Variants in RALGAPA1 observed in about 807,000 individuals in gnomAD.
RALGAPA1 encodes ral GTPase-activating protein subunit alpha-1.
Under a neutral mutation model 269.6 loss-of-function variants are expected in RALGAPA1, and 52 were observed. The observed-to-expected ratio is 0.19, with a 90% CI of 0.15 to 0.24. The LOEUF (loss-of-function observed/expected upper bound fraction) is 0.24, where lower values mean the gene tolerates loss of function less well. Among genes scored for constraint, RALGAPA1 ranks in the 10% least tolerant of loss-of-function variants. RALGAPA1 has a pLI of 1.00. For synonymous variants in RALGAPA1, 817 were observed against 1,008.3 expected (o/e 0.81, Z 3.60); for missense variants, 1,917 against 3,013.9 (o/e 0.64, Z 8.52).
At chr14:35,785,563 G>A (rs2075736487) in intron 1 of RALGAPA1, among the ~76,000 whole-genome samples, 1 of 152,226 alleles carries the variant, frequency 6.6e-6, no homozygotes, top group Non-Finnish European at 1.5e-5. Context: ...TAAATGCACA[G>A]TATAGCTCGT....
intron 17 of RALGAPA1, among the ~76,000 whole-genome samples, chr14:35,698,029 A>G (rs1449587565): frequency 1.3e-5 from 2 of 152,178 alleles, no homozygotes; most frequent in African/African-American, 4.8e-5. Flanking sequence ...TTTCCATATA[A>G]TCCATGTTTT....
intron 41 of RALGAPA1, among the ~76,000 whole-genome samples, chr14:35,547,520 T>C (rs1241449860): frequency 1.3e-5 from 2 of 152,166 alleles, no homozygotes; most frequent in Non-Finnish European, 2.9e-5. Flanking sequence ...GTGAAATTTA[T>C]GGCTTGACTA....
chr14:35,623,429 C>G (rs1383319437), intron 35 of RALGAPA1, among the ~76,000 whole-genome samples: 2 of 151,368 alleles, frequency 1.3e-5, no homozygotes, highest in Non-Finnish European at 2.9e-5. Context: ...AAAAAGAACA[C>G]CAACAGAGAA....
chr14:35,726,786 A>G (rs1453880522), intron 13 of RALGAPA1, among the ~76,000 whole-genome samples: 1 of 152,222 alleles, frequency 6.6e-6, no homozygotes, highest in Admixed American at 6.5e-5. Flanking sequence ...AAAGAAAAAA[A>G]AGGACTAACA....
At chr14:35,620,589 A>T (rs556145688) in intron 35 of RALGAPA1, among the ~76,000 whole-genome samples, 1 of 152,330 alleles carries the variant, frequency 6.6e-6, no homozygotes, top group South Asian at 2.1e-4. Flanking sequence ...TTTGCAGATG[A>T]CATGATCGTA....
At chr14:35,715,197 A>G (rs904137489) in intron 16 of RALGAPA1, among the ~76,000 whole-genome samples, 2 of 152,144 alleles carry the variant, frequency 1.3e-5, no homozygotes, top group African/African-American at 2.4e-5. Flanking sequence ...TAGACACATC[A>G]GACCCTCTCA....
At chr14:35,639,807 C>T (rs1215791147) in intron 31 of RALGAPA1, among the ~76,000 whole-genome samples, 1 of 151,776 alleles carries the variant, frequency 6.6e-6, no homozygotes, top group African/African-American at 2.4e-5. Context: ...GGCGTGGTGG[C>T]GGGCACCTGT....
chr14:35,561,458 G>A (rs1261757925), intron 39 of RALGAPA1, among the ~76,000 whole-genome samples: 1 of 146,674 alleles, frequency 6.8e-6, no homozygotes, highest in Non-Finnish European at 1.5e-5. Flanking sequence ...GGATGTGTAA[G>A]CACAGCAAAA....
At chr14:35,624,460 G>A (rs141992021) in intron 35 of RALGAPA1, among the ~76,000 whole-genome samples, 222 of 152,174 alleles carry the variant, frequency 1.5e-3, no homozygotes, top group Non-Finnish European at 2.2e-3. Context: ...TTTGTTTTAT[G>A]CTTTGTTTTG....
chr14:35,777,936 G>C (rs1301665541), intron 1 of RALGAPA1, among the ~76,000 whole-genome samples: 2 of 152,052 alleles, frequency 1.3e-5, no homozygotes, highest in African/African-American at 2.4e-5. Flanking sequence ...TCAAGTTAAA[G>C]GTAAACATCA....
At chr14:35,569,398 G>A (rs576503824) in intron 39 of RALGAPA1, among the ~76,000 whole-genome samples, 1 of 152,270 alleles carries the variant, frequency 6.6e-6, no homozygotes, top group South Asian at 2.1e-4. Flanking sequence ...TGTGTATGTT[G>A]TGTGCCAGGC....
Position 35,725,129 on chromosome 14 carries a change from G to A in RALGAPA1, c.1761C>T (p.Leu587=), listed in dbSNP as rs759842758. 3.1e-6 allele frequency: 5 copies of A among 1,591,660 alleles called. No individual in the cohort carries two copies. The Admixed American group carries it at 6.9e-5, about 22-fold the overall frequency. ...KTWEQMLLVL[L]RVTESVLKMP... is the part of the protein sequence containing the mutation. ...TCTTCAGTACAGATTCCGTGACTCT[G>A]AGCAACACAAGCAGCATCTGTTCCC... Residue 587 remains leucine, a synonymous_variant, in exon 14 of 42, where the codon CTC becomes CTT. Transcript: ENST00000680220.
At chr14:35,596,785 GCAA>G (rs2058955192) in intron 36 of RALGAPA1, among the ~76,000 whole-genome samples, 1 of 152,042 alleles carries the variant, frequency 6.6e-6, no homozygotes, top group African/African-American at 2.4e-5. Flanking sequence ...TCTCTCGCCT[GCAA>G]CTACTCAGTT....
At chr14:35,644,608 G>C (rs893866219) in intron 31 of RALGAPA1, among the ~76,000 whole-genome samples, 1 of 152,144 alleles carries the variant, frequency 6.6e-6, no homozygotes, top group Non-Finnish European at 1.5e-5. Flanking sequence ...TAAAAAAATA[G>C]AACAGCACAA....
chr14:35,544,114 T>G (rs1361778160), intron 41 of RALGAPA1, among the ~76,000 whole-genome samples: 1 of 152,210 alleles, frequency 6.6e-6, no homozygotes, highest in Non-Finnish European at 1.5e-5. Context: ...TAATTTGCAT[T>G]TATATGGATA....
In RALGAPA1 at chr14:35,654,418, A is replaced by G. The variant is rs750643706; in HGVS notation, c.5556T>C (p.Tyr1852=). Residue 1852 remains tyrosine (Y), a synonymous_variant, in exon 30 of 42, where the codon TAT becomes TAC. Transcript: ENST00000680220. The part of the protein sequence containing the change: ...ACNMLHMLVH[Y]VPRLQIYQPD... ...GCTGGTAAATCTGAAGTCTAGGTAC[A>G]TAATGAACCAGCATGTGAAGCATGT... is the stretch of plus-strand genomic sequence containing the variant. 3 of 1,607,512 alleles carry G rather than the reference A, an allele frequency of 1.9e-6. No individual in the cohort carries two copies. Among genetic ancestry groups the G allele is most frequent in the Admixed American group, 1.7e-5 (1 of 59,108 alleles).
chr14:35,700,484 A>G (rs896587304), intron 16 of RALGAPA1, among the ~76,000 whole-genome samples, 182 bp from the exon 17 acceptor site: 1 of 152,188 alleles, frequency 6.6e-6, no homozygotes, highest in African/African-American at 2.4e-5. Context: ...ATCAGAGAAC[A>G]CACACAACAT....
intron 35 of RALGAPA1, among the ~76,000 whole-genome samples, chr14:35,606,767 A>C (rs1257153714): frequency 3.9e-5 from 6 of 151,946 alleles, no homozygotes; most frequent in East Asian, 3.9e-4. Flanking sequence ...AAAAAAAAAA[A>C]AAACCCTGCA....
chr14:35,599,639 G>A (rs1445233364), intron 36 of RALGAPA1, among the ~76,000 whole-genome samples: 1 of 152,012 alleles, frequency 6.6e-6, no homozygotes, highest in Non-Finnish European at 1.5e-5. Flanking sequence ...TCCCAGCTTC[G>A]TCGGGAGGCT....
Sources: allele counts gnomAD v4.1 joint callset (sites outside exome capture counted in the v4.1 genomes callset), GRCh38; gene constraint gnomAD v4.1.1; transcripts MANE v1.5; gene names NCBI Gene and HGNC (gene_info 2026-07-23, HGNC 2026-07-21).